DOCK8: variants seen among roughly 807,000 people sequenced by gnomAD.
DOCK8 encodes dedicator of cytokinesis protein 8.
A neutral mutation model predicts 245.6 loss-of-function variants in DOCK8; 141 were observed. The ratio of observed to expected loss-of-function variants is 0.57; its 90% confidence interval spans 0.50 to 0.66. The LOEUF is 0.66. DOCK8 is among the 30% of genes least tolerant of loss of function. DOCK8 has a pLI of 0.00. For missense variants in DOCK8, 2,965 were observed against 2,603.4 expected (o/e 1.14, Z -3.02); for synonymous variants, 1,168 against 970.2 (o/e 1.20, Z -3.79).
intron 14 of DOCK8, among the ~76,000 whole-genome samples, chr9:342,478 G>GT (rs71314705): frequency 6.7e-6 from 1 of 149,820 alleles, no homozygotes; most frequent in African/African-American, 2.5e-5. Flanking sequence ...TCGTTTTTTT[G>GT]TTTTTTTTTG....
Position 437,135 on chromosome 9 carries a change from C to A in DOCK8, c.5080-2110C>A, listed in dbSNP as rs148088612. ...AATGTAGCTGGCAAGTGAAAGGACA[C>A]CCAACCCAGACTGACAGAAGGTAAA... On this transcript the variant is annotated intron_variant, in intron 39 of 47. Coordinates refer to ENST00000432829, the MANE Select transcript of DOCK8 (RefSeq NM_203447.4). Among the ~76,000 whole-genome samples, 605 of 152,326 alleles carry A rather than the reference C, an allele frequency of 4.0e-3. 3 individuals are homozygous for A. Among genetic ancestry groups the A allele is most frequent in the Middle Eastern group, 0.017 (5 of 294 alleles).
At chr9:444,305 T>C (rs1002354249) in intron 43 of DOCK8, among the ~76,000 whole-genome samples, 10 of 147,774 alleles carry the variant, frequency 6.8e-5, no homozygotes, top group African/African-American at 2.5e-4. Flanking sequence ...TTCTATAACC[T>C]GTTAGCTTGA....
chr9:214,385 G>GA, upstream of DOCK8: 1 of 816,504 alleles, frequency 1.2e-6, no homozygotes, highest in Admixed American at 2.6e-5. Flanking sequence ...AGTGTCTCAG[G>GA]AAGGATGATG....
chr9:215,885 A>G (rs370200130), intron 1 of DOCK8: 2 of 165,232 alleles, frequency 1.2e-5, no homozygotes, highest in East Asian at 1.9e-4. Context: ...TGTCTAGTTA[A>G]AAGATAATAG....
intron 15 of DOCK8, 44 bp from the exon 16 acceptor site, chr9:370,186 C>T (rs778806972): frequency 6.6e-7 from 1 of 1,511,330 alleles, no homozygotes; most frequent in South Asian, 1.1e-5. Flanking sequence ...TTTGATGTAC[C>T]CAAATGTTAC....
rs532369700 is a variant in DOCK8 at position 265,665 on chromosome 9, G to A, written c.54-5962G>A. Among the ~76,000 whole-genome samples the A allele has an allele frequency of 1.0e-3, 154 of 152,072 alleles. 2 individuals are homozygous for A. The highest frequency in any genetic ancestry group is 2.9e-3 in the Admixed American group (45 of 15,274). On this transcript the variant is annotated intron_variant, in intron 1 of 47. Coordinates refer to ENST00000432829, the MANE Select transcript of DOCK8 (RefSeq NM_203447.4). ...AATCCATCCAGCCATTTTGGCTGCC[G>A]GCCATACCAGCAGATAATGAAAGAA...
intron 4 of DOCK8, among the ~76,000 whole-genome samples, chr9:290,956 A>G (rs2049012597): frequency 6.6e-6 from 1 of 152,236 alleles, no homozygotes; most frequent in African/African-American, 2.4e-5. Flanking sequence ...TTCATTATTA[A>G]AAGTTATTAA....
rs1477878930 is a variant in DOCK8, at chr9:215,035, A to T, written c.53+6A>T. The T allele has an allele frequency of 2.5e-6, 4 of 1,576,788 alleles. No individual in the cohort carries two copies. The highest frequency in any genetic ancestry group is 2.8e-5 in the African/African-American group (2 of 72,282). Reference sequence around the variant, plus strand: ...TTCGCGCTCAAGATCAACAGGTAAGACGCCCCCCGCGGCGCGCAGGTTGCG... The same window carrying T: ...TTCGCGCTCAAGATCAACAGGTAAGTCGCCCCCCGCGGCGCGCAGGTTGCG... On this transcript the variant is annotated splice_donor_region_variant and intron_variant, in intron 1 of 47. Coordinates refer to ENST00000432829, the MANE Select transcript of DOCK8 (RefSeq NM_203447.4).
chr9:369,110 T>C (rs895518102), intron 15 of DOCK8: 6 of 151,784 alleles, frequency 4.0e-5, no homozygotes, highest in African/African-American at 1.5e-4. Flanking sequence ...GCAGTTAATA[T>C]ACCTTTCTAA....
intron 4 of DOCK8, among the ~76,000 whole-genome samples, chr9:299,106 A>G (rs1380016692): frequency 1.3e-5 from 2 of 152,140 alleles, no homozygotes; most frequent in Non-Finnish European, 2.9e-5. Context: ...ATATTTGCAT[A>G]TATTTGTCAC....
intron 18 of DOCK8, 90 bp downstream of exon 18, chr9:372,376 T>G: frequency 9.8e-7 from 1 of 1,021,868 alleles, no homozygotes. Context: ...CATGTGGCCA[T>G]GGATGTTCAT....
At chr9:245,596 G>T (rs981714045) in intron 1 of DOCK8, among the ~76,000 whole-genome samples, 5 of 152,124 alleles carry the variant, frequency 3.3e-5, no homozygotes, top group Non-Finnish European at 5.9e-5. Flanking sequence ...AAAGAGTGAA[G>T]AAATTGAAGG....
intron 14 of DOCK8, among the ~76,000 whole-genome samples, chr9:344,377 T>C (rs1182205133): frequency 1.4e-4 from 22 of 152,212 alleles, no homozygotes. Context: ...TTTTTAGTGT[T>C]CTTCTCCAGT....
At chr9:261,642 C>G (rs1183694622) in intron 1 of DOCK8, among the ~76,000 whole-genome samples, 1 of 152,104 alleles carries the variant, frequency 6.6e-6, no homozygotes, top group African/African-American at 2.4e-5. Context: ...CATGTTCAAG[C>G]TCTGTGTATC....
At chr9:292,945 C>T (rs924138141) in intron 4 of DOCK8, among the ~76,000 whole-genome samples, 17 of 152,144 alleles carry the variant, frequency 1.1e-4, no homozygotes, top group South Asian at 6.2e-4. Context: ...ATCTTTTCTA[C>T]AGAAGCAATG....
chr9:416,032 A>C (rs1304098007), intron 29 of DOCK8, among the ~76,000 whole-genome samples: 1 of 152,208 alleles, frequency 6.6e-6, no homozygotes, highest in Non-Finnish European at 1.5e-5. Context: ...ATTCCTGTGG[A>C]AGTAATTCTC....
At chr9:346,753 G>GTACTAC (rs1398009221) in intron 14 of DOCK8, among the ~76,000 whole-genome samples, 1 of 152,140 alleles carries the variant, frequency 6.6e-6, no homozygotes, top group African/African-American at 2.4e-5. Context: ...GTCTTAAGGA[G>GTACTAC]TACTACCCAC....
At chr9:304,449 A>G (rs1027209189) in intron 4 of DOCK8, 132 bp from the exon 5 acceptor site, 60 of 1,194,654 alleles carry the variant, frequency 5.0e-5, no homozygotes, top group Admixed American at 2.6e-4. Context: ...GTGAGGAATT[A>G]TAATTGGTTC....
At chr9:368,173 G>T in intron 15 of DOCK8, 38 bp downstream of exon 15, 1 of 1,557,402 alleles carries the variant, frequency 6.4e-7, no homozygotes, top group South Asian at 1.1e-5. Context: ...AAATCAGGGT[G>T]GGCTGCTCAC....
Sources: allele counts gnomAD v4.1 joint callset (sites outside exome capture counted in the v4.1 genomes callset), GRCh38; gene constraint gnomAD v4.1.1; transcripts MANE v1.5; gene names NCBI Gene and HGNC (gene_info 2026-07-23, HGNC 2026-07-21).